The following LGR5 variants were observed in gnomAD, a reference collection of about 807,000 sequenced individuals.
LGR5 encodes leucine-rich repeat-containing G protein-coupled receptor 5.
In LGR5, 54 loss-of-function variants were observed where a neutral mutation model predicts 76.7. That is an observed-to-expected ratio of 0.70 (90% CI 0.57 to 0.88). The LOEUF is 0.88. LGR5 is among the 40% of genes least tolerant of loss of function. The probability of loss-of-function intolerance (pLI) is 0.00; values close to 1 mark genes in which losing one functional copy is unlikely to be tolerated. For synonymous variants in LGR5, 406 were observed against 421.9 expected, an observed-to-expected ratio of 0.96 and a Z score of 0.46; for missense variants, 1,078 against 1,073.3, an observed-to-expected ratio of 1.00 and a Z score of -0.06.
At chr12:71,566,560 T>G (rs1184768960) in intron 9 of LGR5, 72 bp from the exon 10 acceptor site, 4 of 1,526,482 alleles carry the variant, frequency 2.6e-6, no homozygotes, top group Non-Finnish European at 3.6e-6. Flanking sequence ...TTGAAGTGCT[T>G]TGAAAATGGC....
chr12:71,467,734 A>G (rs1233220048), intron 1 of LGR5, among the ~76,000 whole-genome samples: 2 of 152,210 alleles, frequency 1.3e-5, no homozygotes, highest in East Asian at 3.8e-4. Flanking sequence ...TTTAGTTGCC[A>G]TAATTCTGAA....
chr12:71,556,538 T>G (rs1877773950), intron 5 of LGR5, 81 bp from the exon 6 acceptor site: 1 of 941,938 alleles, frequency 1.1e-6, no homozygotes, highest in African/African-American at 1.6e-5. Flanking sequence ...CAGTATATGT[T>G]TCTTTGGATT....
chr12:71,504,526 T>C, intron 1 of LGR5, 88 bp from the exon 2 acceptor site: 1 of 972,804 alleles, frequency 1.0e-6, no homozygotes, highest in Non-Finnish European at 1.7e-6. Context: ...CATTTTACTG[T>C]ATTGTTTGGA....
rs889295492 is a variant in LGR5, at chr12:71,505,564, T to G, written c.284+879T>G. 2.0e-5 allele frequency among the ~76,000 whole-genome samples: 3 copies of G among 152,140 alleles called. No homozygotes were observed. In the South Asian group the frequency reaches 6.2e-4, roughly 32 times the overall value. On this transcript the variant is annotated intron_variant, in intron 2 of 17. Coordinates refer to ENST00000266674, the MANE Select transcript of LGR5 (RefSeq NM_003667.4). ...ATAAATCCTGAAGTCAGAGTCCAAT[T>G]TGGGGAGTAATTTAAATTGTTAATG...
chr12:71,524,182 A>G (rs1416843635), intron 2 of LGR5, among the ~76,000 whole-genome samples: 1 of 152,234 alleles, frequency 6.6e-6, no homozygotes, highest in Non-Finnish European at 1.5e-5. Flanking sequence ...TAAATTGTTT[A>G]TTGTAAAGTA....
intron 6 of LGR5, among the ~76,000 whole-genome samples, chr12:71,558,035 C>T (rs954331077): frequency 1.3e-5 from 2 of 152,274 alleles, no homozygotes; most frequent in East Asian, 3.9e-4. Context: ...ATTCTTCTAG[C>T]CTATGAGCAC....
intron 3 of LGR5, among the ~76,000 whole-genome samples, chr12:71,528,172 G>A (rs528327009): frequency 4.2e-4 from 64 of 152,168 alleles, no homozygotes; most frequent in Non-Finnish European, 7.2e-4. Context: ...AATCGTGTTC[G>A]TAGCTGGGCA....
chr12:71,531,800 G>A (rs568337421), intron 3 of LGR5, among the ~76,000 whole-genome samples: 4 of 152,160 alleles, frequency 2.6e-5, no homozygotes, highest in African/African-American at 4.8e-5. Context: ...CCCGGGAGGC[G>A]GAGGTTGCAG....
chr12:71,531,951 C>T (rs1020942179), intron 3 of LGR5, among the ~76,000 whole-genome samples: 2 of 152,062 alleles, frequency 1.3e-5, no homozygotes, highest in South Asian at 2.1e-4. Flanking sequence ...AGAGAAAGTT[C>T]GCAACTATTC....
At chr12:71,558,446 G>T (rs929934110) in intron 6 of LGR5, among the ~76,000 whole-genome samples, 2 of 152,096 alleles carry the variant, frequency 1.3e-5, no homozygotes, top group African/African-American at 2.4e-5. Flanking sequence ...TAAGCAATTT[G>T]GTTATTCCCA....
chr12:71,516,911 A>T (rs1047991972), intron 2 of LGR5, among the ~76,000 whole-genome samples: 1 of 152,158 alleles, frequency 6.6e-6, no homozygotes, highest in African/African-American at 2.4e-5. Context: ...ATGTAGAAAG[A>T]CAAGTTTTTT....
rs1286616410 is a variant in LGR5, at chr12:71,586,118, A to G, written c.*1384A>G. On this transcript the variant is annotated 3_prime_UTR_variant, in exon 18 of 18. Transcript: ENST00000266674. Reference sequence around the variant, plus strand: ...CTATAGTAAAGGTTCAGTAACATTAAGGACCATGATAATGATAATAAACCT... The same window carrying G: ...CTATAGTAAAGGTTCAGTAACATTAGGGACCATGATAATGATAATAAACCT... The G allele has an allele frequency of 6.6e-6, 1 of 152,194 alleles. No individual in the cohort carries two copies. Among genetic ancestry groups the G allele is most frequent in the African/African-American group, 2.4e-5 (1 of 41,468 alleles). 9.4% of individuals were successfully genotyped at this position (152,194 alleles called of 1,614,324 possible). A position where few individuals can be genotyped will look rare whatever the true frequency, so the allele number is the denominator to read the frequency against.
chr12:71,553,594 C>T (rs1195779726), intron 5 of LGR5, among the ~76,000 whole-genome samples: 1 of 152,048 alleles, frequency 6.6e-6, no homozygotes, highest in Non-Finnish European at 1.5e-5. Flanking sequence ...AGTACAGTAA[C>T]CTAAGTTAAA....
chr12:71,498,998 C>T (rs1457072182), intron 1 of LGR5, among the ~76,000 whole-genome samples: 1 of 152,154 alleles, frequency 6.6e-6, no homozygotes. Context: ...ACTGGTGTTA[C>T]AAACACACGA....
chr12:71,502,546 G>A (rs372242820), intron 1 of LGR5, among the ~76,000 whole-genome samples: 2 of 152,122 alleles, frequency 1.3e-5, no homozygotes, highest in Non-Finnish European at 2.9e-5. Context: ...CTTTTGATTG[G>A]AAATGGCTAA....
At chr12:71,447,713 C>T (rs1872066287) in intron 1 of LGR5, among the ~76,000 whole-genome samples, 1 of 152,154 alleles carries the variant, frequency 6.6e-6, no homozygotes, top group Admixed American at 6.5e-5. Flanking sequence ...CCCTTTGTGC[C>T]ACTTGCTTGG....
intron 1 of LGR5, among the ~76,000 whole-genome samples, chr12:71,454,022 C>A (rs912544875): frequency 1.3e-5 from 2 of 152,012 alleles, no homozygotes; most frequent in Non-Finnish European, 2.9e-5. Context: ...AAGCAGGAAG[C>A]CTCTGGAATT....
chr12:71,447,143 A>G (rs1346803718), intron 1 of LGR5, among the ~76,000 whole-genome samples: 1 of 152,208 alleles, frequency 6.6e-6, no homozygotes, highest in Non-Finnish European at 1.5e-5. Context: ...GTTGTCACGA[A>G]GGTATCAGAA....
chr12:71,566,554 A>G (rs1878353434), intron 9 of LGR5, 78 bp from the exon 10 acceptor site: 1 of 1,507,178 alleles, frequency 6.6e-7, no homozygotes, highest in Non-Finnish European at 9.2e-7. Flanking sequence ...TATAGGTTGA[A>G]GTGCTTTGAA....
Sources: allele counts gnomAD v4.1 joint callset (sites outside exome capture counted in the v4.1 genomes callset), GRCh38; gene constraint gnomAD v4.1.1; transcripts MANE v1.5; gene names NCBI Gene and HGNC (gene_info 2026-07-23, HGNC 2026-07-21).